Variants in STEAP1B observed in about 807,000 individuals in gnomAD.
STEAP1B encodes the protein STEAP family member 1B.
A neutral mutation model predicts 27.9 loss-of-function variants in STEAP1B; 13 were observed. The observed-to-expected ratio is 0.47, with a 90% CI of 0.30 to 0.74. STEAP1B has a LOEUF of 0.74. STEAP1B is among the 30% of genes least tolerant of loss of function. The probability of loss-of-function intolerance (pLI) is 0.06; values close to 1 mark genes in which losing one functional copy is unlikely to be tolerated. For synonymous variants in STEAP1B, 86 were observed against 107.1 expected (o/e 0.80, Z 1.22); for missense variants, 250 against 298.7 (o/e 0.84, Z 1.20).
intron 4 of STEAP1B, among the ~76,000 whole-genome samples, chr7:22,427,946 G>C (rs1201895157): frequency 6.6e-6 from 1 of 152,218 alleles, no homozygotes; most frequent in Non-Finnish European, 1.5e-5. Context: ...GGCAAATTCT[G>C]ACACTTTCAG....
intron 1 of STEAP1B, among the ~76,000 whole-genome samples, chr7:22,498,185 T>C (rs1786474588): frequency 6.6e-6 from 1 of 152,212 alleles, no homozygotes; most frequent in Non-Finnish European, 1.5e-5. Context: ...CACTGACTGA[T>C]ACCAGTCTGC....
chr7:22,468,929 T>C (rs912559291), intron 4 of STEAP1B, among the ~76,000 whole-genome samples: 23 of 152,234 alleles, frequency 1.5e-4, no homozygotes, highest in Non-Finnish European at 2.9e-4. Flanking sequence ...GTACAGTACA[T>C]AATACTTGCT....
At chr7:22,434,015 C>T (rs1785223417) in intron 4 of STEAP1B, among the ~76,000 whole-genome samples, 1 of 152,218 alleles carries the variant, frequency 6.6e-6, no homozygotes, top group Non-Finnish European at 1.5e-5. Context: ...CAGGGATGTG[C>T]ATCTGGCACC....
intron 4 of STEAP1B, among the ~76,000 whole-genome samples, chr7:22,437,471 G>A (rs1307121615): frequency 6.6e-6 from 1 of 152,178 alleles, no homozygotes; most frequent in South Asian, 2.1e-4. Flanking sequence ...TCCATTGTGG[G>A]TATATACATT....
At position 22,478,533 on chromosome 7, in the gene STEAP1B, C is replaced by A. The variant is rs565737039; in HGVS notation, c.762+14032G>T. On this transcript the variant is annotated intron_variant, in intron 4 of 4. Coordinates refer to ENST00000678116, the MANE Select transcript of STEAP1B (RefSeq NM_001382447.1). Reference sequence around the variant, plus strand: ...CTCAAGATCTGAGGTAATATGTGATCAAAAATCAGAGAAAACCTCAACTTG... The same window carrying A: ...CTCAAGATCTGAGGTAATATGTGATAAAAAATCAGAGAAAACCTCAACTTG... Among the ~76,000 whole-genome samples the A allele has an allele frequency of 1.2e-4, 19 of 152,262 alleles. No homozygotes were observed. In the South Asian group the frequency reaches 2.1e-3, roughly 17 times the overall value.
chr7:22,443,058 T>C (rs1016942368), intron 4 of STEAP1B, among the ~76,000 whole-genome samples: 24 of 152,220 alleles, frequency 1.6e-4, no homozygotes, highest in Non-Finnish European at 3.2e-4. Context: ...CACTCGCTCC[T>C]GCCTGTCTTT....
chr7:22,491,003 C>G (rs7784583), intron 4 of STEAP1B, among the ~76,000 whole-genome samples: 13,131 of 152,242 alleles, frequency 0.086, 657 homozygotes, highest in African/African-American at 0.097. Context: ...AGATAGCTAT[C>G]TTGAAGTAGG....
chr7:22,478,139 C>T (rs1483169061), intron 4 of STEAP1B, among the ~76,000 whole-genome samples: 1 of 152,190 alleles, frequency 6.6e-6, no homozygotes, highest in Non-Finnish European at 1.5e-5. Context: ...AGGCACCAAA[C>T]TGGTGAGACC....
At chr7:22,468,598 G>A (rs1054630348) in intron 4 of STEAP1B, among the ~76,000 whole-genome samples, 10 of 151,922 alleles carry the variant, frequency 6.6e-5, no homozygotes, top group Admixed American at 2.0e-4. Flanking sequence ...TAAAGACAAA[G>A]ACCTGCACAC....
chr7:22,454,284 T>C (rs1194343018), intron 4 of STEAP1B, among the ~76,000 whole-genome samples: 1 of 152,118 alleles, frequency 6.6e-6, no homozygotes, highest in East Asian at 1.9e-4. Context: ...AAATATTTGT[T>C]CTCCTTTTAC....
intron 4 of STEAP1B, among the ~76,000 whole-genome samples, chr7:22,488,979 G>A (rs987770289): frequency 9.9e-5 from 15 of 152,250 alleles, no homozygotes; most frequent in African/African-American, 3.6e-4. Context: ...ACCGGATGCA[G>A]TACCCTTGGA....
chr7:22,483,498 T>C (rs184785006), intron 4 of STEAP1B, among the ~76,000 whole-genome samples: 10 of 152,366 alleles, frequency 6.6e-5, no homozygotes, highest in Admixed American at 5.9e-4. Flanking sequence ...TTTGTTTTTT[T>C]AACAAATTGG....
At chr7:22,430,838 T>C (rs939560013) in intron 4 of STEAP1B, among the ~76,000 whole-genome samples, 2 of 152,378 alleles carry the variant, frequency 1.3e-5, no homozygotes, top group Admixed American at 6.5e-5. Context: ...CTTCCTCATT[T>C]GCTCATGACC....
chr7:22,486,106 T>TA (rs1465591073), intron 4 of STEAP1B, among the ~76,000 whole-genome samples: 2 of 152,188 alleles, frequency 1.3e-5, no homozygotes, highest in Admixed American at 1.3e-4. Flanking sequence ...TCAGACCAAT[T>TA]ACAGCAGAAT....
intron 4 of STEAP1B, among the ~76,000 whole-genome samples, chr7:22,467,265 G>C (rs1785801345): frequency 6.6e-6 from 1 of 152,128 alleles, no homozygotes; most frequent in South Asian, 2.1e-4. Flanking sequence ...GTAATCTGCA[G>C]GGGGAAAAGA....
intron 4 of STEAP1B, among the ~76,000 whole-genome samples, chr7:22,435,492 T>C (rs1012676765): frequency 4.6e-5 from 7 of 152,214 alleles, no homozygotes; most frequent in African/African-American, 1.7e-4. Context: ...AAGCCATTTA[T>C]TGACAACCCT....
At chr7:22,490,622 A>T (rs1259814226) in intron 4 of STEAP1B, among the ~76,000 whole-genome samples, 2 of 152,212 alleles carry the variant, frequency 1.3e-5, no homozygotes, top group Non-Finnish European at 1.5e-5. Context: ...CACAACACCT[A>T]GGAGTGTTTA....
intron 4 of STEAP1B, among the ~76,000 whole-genome samples, chr7:22,481,587 G>A (rs538503753): frequency 3.0e-4 from 46 of 152,124 alleles, no homozygotes; most frequent in Admixed American, 3.9e-4. Context: ...AGATCCCTGC[G>A]TTGGTTTGCA....
Position 22,431,466 on chromosome 7 carries a change from G to A in STEAP1B, c.763-11630C>T, listed in dbSNP as rs112719392. On this transcript the variant is annotated intron_variant, in intron 4 of 4. Transcript: ENST00000678116. ...TTGGGTTGTGTGTTCTAAACCAAGC[G>A]CTGTGGCCTGGCGATGAAGTATGTT... Among the ~76,000 whole-genome samples, 209 of 152,316 alleles carry A rather than the reference G, an allele frequency of 1.4e-3. 1 individual carries two copies. The highest frequency in any genetic ancestry group is 4.9e-3 in the African/African-American group (204 of 41,568).
Sources: allele counts gnomAD v4.1 joint callset (sites outside exome capture counted in the v4.1 genomes callset), GRCh38; gene constraint gnomAD v4.1.1; transcripts MANE v1.5; gene names NCBI Gene and HGNC (gene_info 2026-07-23, HGNC 2026-07-21).